UHMK1: variants seen among roughly 807,000 people sequenced by gnomAD.
UHMK1 encodes serine/threonine-protein kinase Kist.
A neutral mutation model predicts 44.0 loss-of-function variants in UHMK1; 18 were observed. The ratio of observed to expected loss-of-function variants is 0.41; its 90% CI spans 0.28 to 0.61. The LOEUF (loss-of-function observed/expected upper bound fraction) is 0.61. UHMK1 is among the 20% of genes least tolerant of loss of function. The pLI, the probability that UHMK1 is intolerant of heterozygous loss-of-function variation, is 0.31. For missense variants in UHMK1, 463 were observed against 522.5 expected, an observed-to-expected ratio of 0.89 and a Z score of 1.11; for synonymous variants, 231 against 198.5, an observed-to-expected ratio of 1.16 and a Z score of -1.38.
chr1:162,519,880 T>C (rs1279298502), intron 7 of UHMK1, among the ~76,000 whole-genome samples: 1 of 152,136 alleles, frequency 6.6e-6, no homozygotes, highest in East Asian at 1.9e-4. Flanking sequence ...GGTGAAGTCA[T>C]CTCTGGTGGT....
upstream of UHMK1, chr1:162,497,400 G>T: frequency 1.6e-6 from 1 of 635,506 alleles, no homozygotes; most frequent in South Asian, 1.7e-5. Flanking sequence ...CGACACGGGG[G>T]GCTTAGAATT....
chr1:162,518,124 G>A lies in UHMK1; in HGVS notation c.1047G>A (p.Glu349=), dbSNP rs375634277. ...CAGATGTTGTAGAAGATGTAAAAGAGGAGTGTCAAAAATATGGACCAGTGG... is the reference window on the plus strand; with the variant it reads ...CAGATGTTGTAGAAGATGTAAAAGAAGAGTGTCAAAAATATGGACCAGTGG... ...EYEDVVEDVK[E]ECQKYGPVVS... The change falls in exon 7 of 8, where the codon GAG becomes GAA. Residue 349 remains glutamate (E), a synonymous_variant. Transcript: ENST00000489294. 1 of 1,612,674 alleles carries A rather than the reference G, an allele frequency of 6.2e-7. No homozygotes were observed. The highest frequency in any genetic ancestry group is 8.5e-7 in the Non-Finnish European group (1 of 1,179,000).
chr1:162,512,679 A>G, intron 5 of UHMK1, 46 bp from the exon 6 acceptor site: 1 of 1,609,252 alleles, frequency 6.2e-7, no homozygotes, highest in Non-Finnish European at 8.5e-7. Flanking sequence ...TGTTCAACTT[A>G]TTTGGGGGGA....
chr1:162,502,018 C>T (rs1477099815), intron 3 of UHMK1, among the ~76,000 whole-genome samples: 2 of 151,526 alleles, frequency 1.3e-5, no homozygotes, highest in Non-Finnish European at 2.9e-5. Context: ...TTTATTAAAC[C>T]TCAAAAAATT....
chr1:162,521,465 C>A (rs940598870), intron 7 of UHMK1, among the ~76,000 whole-genome samples: 1 of 151,864 alleles, frequency 6.6e-6, no homozygotes, highest in Non-Finnish European at 1.5e-5. Context: ...GGGGTGGGGT[C>A]AGGGAGGGGA....
chr1:162,505,335 A>G (rs1171829705), intron 4 of UHMK1, among the ~76,000 whole-genome samples: 1 of 152,192 alleles, frequency 6.6e-6, no homozygotes, highest in Non-Finnish European at 1.5e-5. Context: ...CTTCTTTTGG[A>G]ATACCTCACA....
At chr1:162,511,189 CTTTTTTTTT>C (rs142796500) in intron 4 of UHMK1, among the ~76,000 whole-genome samples, 2 of 101,008 alleles carry the variant, frequency 2.0e-5, no homozygotes, top group African/African-American at 4.1e-5. Context: ...TTTTCTTTTT[CTTTTTTTTT>C]TTTTTTTTTT....
chr1:162,528,698 AT>A lies in UHMK1; in HGVS notation c.*6150del, dbSNP rs1415406321. ...AAAAAGTTAAGCTGCATCTCTGTAG[AT>A]TATTTACTTTGCAGACTGTAAAGCT... On this transcript the variant is annotated 3_prime_UTR_variant, in exon 8 of 8. Coordinates refer to ENST00000489294, the MANE Select transcript of UHMK1 (RefSeq NM_175866.5). 3.9e-5 allele frequency: 6 copies of A among 152,080 alleles called. No homozygotes were observed. The highest frequency in any genetic ancestry group is 1.4e-4 in the African/African-American group (6 of 41,410). 9.4% of individuals were successfully genotyped at this position (152,080 alleles called of 1,614,324 possible).
At chr1:162,501,772 T>C (rs1651277046) in intron 3 of UHMK1, among the ~76,000 whole-genome samples, 1 of 152,110 alleles carries the variant, frequency 6.6e-6, no homozygotes, top group African/African-American at 2.4e-5. Context: ...GTTTTATAGA[T>C]TATCTTAACT....
intron 4 of UHMK1, among the ~76,000 whole-genome samples, chr1:162,511,472 G>A (rs941752243): frequency 4.6e-5 from 7 of 151,902 alleles, no homozygotes; most frequent in African/African-American, 1.4e-4. Flanking sequence ...CAGCCAAATT[G>A]AGTTCCTTAT....
rs537492338 is a variant in UHMK1, at chr1:162,500,767, G to C, written c.562-146G>C. 6.2e-5 allele frequency: 44 copies of C among 709,310 alleles called. No homozygotes were observed. In the East Asian group the frequency reaches 1.1e-3, roughly 18 times the overall value. The allele number at this position is 709,310 out of a possible 1,614,324, so 43.9% of individuals were successfully genotyped here. ...AGAACTGCCCAGTTAATGAACCAAA[G>C]AATTATGGTAATCAAGGACTAAAAA... is the stretch of plus-strand genomic sequence containing the variant. On this transcript the variant is annotated intron_variant, in intron 2 of 7. Coordinates refer to ENST00000489294, the MANE Select transcript of UHMK1 (RefSeq NM_175866.5).
At chr1:162,516,952 A>T (rs1651855482) in intron 6 of UHMK1, among the ~76,000 whole-genome samples, 1 of 152,236 alleles carries the variant, frequency 6.6e-6, no homozygotes, top group African/African-American at 2.4e-5. Flanking sequence ...AAAAATTATA[A>T]ATTTATGTCA....
At chr1:162,512,423 A>G in intron 4 of UHMK1, 77 bp from the exon 5 acceptor site, 1 of 1,130,492 alleles carries the variant, frequency 8.8e-7, no homozygotes, top group Non-Finnish European at 1.3e-6. Context: ...GAACATTCAG[A>G]CATTCTTACT....
chr1:162,502,030 G>T lies in UHMK1; in HGVS notation c.753+926G>T, dbSNP rs117095082. Among the ~76,000 whole-genome samples the T allele has an allele frequency of 0.011, 1,673 of 151,920 alleles. 60 individuals carry two copies. The East Asian group carries it at 0.12, about 11-fold the overall frequency. ...GTATTTATTAAACCTCAAAAAATTAGCTGGGTGTGATGGCACACACCTGTA... is the reference window on the plus strand; with the variant it reads ...GTATTTATTAAACCTCAAAAAATTATCTGGGTGTGATGGCACACACCTGTA... On this transcript the variant is annotated intron_variant, in intron 3 of 7. Transcript: ENST00000489294.
chr1:162,499,905 G>A lies in UHMK1; in HGVS notation c.269-50G>A, dbSNP rs758511157. The A allele has an allele frequency of 4.4e-6, 7 of 1,575,986 alleles. No homozygotes were observed. In the East Asian group the frequency reaches 1.3e-4, roughly 30 times the overall value. The stretch of plus-strand genomic sequence containing the variant: ...TGTACTGCAGTTACCTACTTTAGTA[G>A]TGACTTACTCTGAGTCTGATTTTTA... On this transcript the variant is annotated intron_variant, in intron 1 of 7. Coordinates refer to ENST00000489294, the MANE Select transcript of UHMK1 (RefSeq NM_175866.5).
intron 3 of UHMK1, among the ~76,000 whole-genome samples, chr1:162,501,492 A>G (rs1651266931): frequency 6.6e-6 from 1 of 151,620 alleles, no homozygotes; most frequent in Non-Finnish European, 1.5e-5. Context: ...CTTTTAGAGA[A>G]CTCTTGATTG....
chr1:162,522,622 C>G lies in UHMK1; in HGVS notation c.*72C>G. On this transcript the variant is annotated 3_prime_UTR_variant, in exon 8 of 8. Coordinates refer to ENST00000489294, the MANE Select transcript of UHMK1 (RefSeq NM_175866.5). ...GGTTATTCCACATATGAATGCAGGA[C>G]TACCCCCTTACCATTTTAAGAAGGT... is the stretch of plus-strand genomic sequence containing the variant. The G allele has an allele frequency of 6.8e-7, 1 of 1,474,354 alleles. No individual in the cohort carries two copies. The highest frequency in any genetic ancestry group is 1.4e-5 in the African/African-American group (1 of 71,162). The allele number at this position is 1,474,354 out of a possible 1,614,324, so 91.3% of individuals were successfully genotyped here.
intron 6 of UHMK1, among the ~76,000 whole-genome samples, chr1:162,513,497 A>G (rs1461760140): frequency 2.6e-5 from 4 of 152,218 alleles, no homozygotes; most frequent in Admixed American, 1.3e-4. Context: ...GGATACGGCT[A>G]CATAAACAAT....
chr1:162,505,426 A>G (rs1026186088), intron 4 of UHMK1, among the ~76,000 whole-genome samples: 6 of 149,736 alleles, frequency 4.0e-5, no homozygotes, highest in Non-Finnish European at 8.9e-5. Context: ...AAAAATATAT[A>G]GTTATAAATA....
Sources: gnomAD v4.1 joint callset for allele counts (sites outside exome capture counted in the v4.1 genomes callset) on GRCh38, gnomAD v4.1.1 for gene constraint, MANE v1.5 for transcripts, NCBI Gene and HGNC (gene_info 2026-07-23, HGNC 2026-07-21) for gene names.